Variants in THADA observed in about 807,000 individuals in gnomAD.
THADA encodes the protein THADA armadillo repeat containing, also known as tRNA (32-2'-O)-methyltransferase regulator THADA.
In THADA, 213 loss-of-function variants were observed where a neutral mutation model predicts 219.8. That is an observed-to-expected ratio of 0.97 (90% CI 0.87 to 1.09). The LOEUF (loss-of-function observed/expected upper bound fraction) is 1.09. Among genes scored for constraint, THADA ranks in the 50% least tolerant of loss-of-function variants. The pLI, the probability that THADA is intolerant of heterozygous loss-of-function variation, is 0.00. For synonymous variants in THADA, 1,018 were observed against 828.9 expected (o/e 1.23, Z -3.92); for missense variants, 2,956 against 2,311.3 (o/e 1.28, Z -5.72).
intron 36 of THADA, among the ~76,000 whole-genome samples, chr2:43,251,801 C>T (rs1437856780): frequency 1.3e-5 from 2 of 152,226 alleles, no homozygotes; most frequent in African/African-American, 4.8e-5. Context: ...ATGCCTTTTT[C>T]AGATGTGTCC....
intron 10 of THADA, among the ~76,000 whole-genome samples, 152 bp downstream of exon 10, chr2:43,576,870 G>C (rs1428387626): frequency 6.6e-6 from 1 of 152,138 alleles, no homozygotes. Context: ...ACCAAGGCTG[G>C]TTTTGAACTC....
intron 9 of THADA, among the ~76,000 whole-genome samples, 168 bp from the exon 10 acceptor site, chr2:43,577,410 GA>G (rs1699975390): frequency 6.6e-6 from 1 of 151,704 alleles, no homozygotes; most frequent in Non-Finnish European, 1.5e-5. Context: ...AGTATTAAAG[GA>G]AAAAAATTAC....
intron 9 of THADA, among the ~76,000 whole-genome samples, chr2:43,578,221 C>G (rs935990218): frequency 6.6e-6 from 1 of 151,638 alleles, no homozygotes; most frequent in Non-Finnish European, 1.5e-5. Flanking sequence ...TATCTCACTG[C>G]AGCCTTAAAC....
chr2:43,240,887 A>C (rs577622863), intron 36 of THADA, among the ~76,000 whole-genome samples: 1 of 152,316 alleles, frequency 6.6e-6, no homozygotes, highest in South Asian at 2.1e-4. Context: ...AGAGCTCTCA[A>C]GGGCAGCCCT....
rs192340108 is a variant in THADA, at chr2:43,573,678, T to A, written c.1729+658A>T. ...AAGTACTGAACGTTTTTAACAATTT[T>A]AGTTGAAAATATTTCTTAAAATTAT... On this transcript the variant is annotated intron_variant, in intron 11 of 37. Transcript: ENST00000405975. Among the ~76,000 whole-genome samples, 444 of 152,348 alleles carry A rather than the reference T, an allele frequency of 2.9e-3. 1 individual carries two copies. Among genetic ancestry groups the A allele is most frequent in the South Asian group, 5.4e-3 (26 of 4,834 alleles).
chr2:43,237,259 C>G (rs566514902), intron 36 of THADA, among the ~76,000 whole-genome samples: 16 of 152,116 alleles, frequency 1.1e-4, no homozygotes, highest in Non-Finnish European at 2.4e-4. Flanking sequence ...AAAAAACGGT[C>G]TTTTCAACCA....
At position 43,508,782 on chromosome 2, in the gene THADA, T is replaced by C. The variant is rs749201499; in HGVS notation, c.3375-2A>G. On this transcript the variant is annotated splice_acceptor_variant, in intron 22 of 37. Transcript: ENST00000405975. LOFTEE classifies it high-confidence loss of function. Reference sequence around the variant, plus strand: ...TTTTGCAGACTCACATTTGGGCACCTAAAAGGCATATATAATCAAATATTC... The same window carrying C: ...TTTTGCAGACTCACATTTGGGCACCCAAAAGGCATATATAATCAAATATTC... 4.3e-6 allele frequency: 7 copies of C among 1,613,110 alleles called. No individual in the cohort carries two copies. In the South Asian group the frequency reaches 6.6e-5, roughly 15 times the overall value.
At chr2:43,416,949 T>C (rs1409896387) in intron 28 of THADA, among the ~76,000 whole-genome samples, 1 of 152,156 alleles carries the variant, frequency 6.6e-6, no homozygotes, top group Non-Finnish European at 1.5e-5. Flanking sequence ...ATTTCCTTTT[T>C]TTCCAAATCA....
chr2:43,590,012 A>T (rs1207995944), intron 4 of THADA, among the ~76,000 whole-genome samples: 1 of 152,172 alleles, frequency 6.6e-6, no homozygotes. Flanking sequence ...AGATATATAT[A>T]AAAAAAGTAG....
intron 30 of THADA, among the ~76,000 whole-genome samples, chr2:43,341,044 C>A (rs763475908): frequency 6.6e-6 from 1 of 152,180 alleles, no homozygotes; most frequent in Admixed American, 6.5e-5. Context: ...TGATACATAG[C>A]TTTGGAATGC....
At chr2:43,454,570 C>A (rs1682754064) in intron 26 of THADA, among the ~76,000 whole-genome samples, 1 of 151,520 alleles carries the variant, frequency 6.6e-6, no homozygotes, top group South Asian at 2.1e-4. Flanking sequence ...ACACTGCACC[C>A]CAGCTTCAGT....
chr2:43,483,679 C>T (rs1396460565), intron 26 of THADA, among the ~76,000 whole-genome samples: 2 of 151,650 alleles, frequency 1.3e-5, no homozygotes, highest in Non-Finnish European at 2.9e-5. Context: ...GTATCACTGC[C>T]CTATTCTTCC....
intron 26 of THADA, among the ~76,000 whole-genome samples, chr2:43,471,098 G>A (rs1055218171): frequency 6.6e-6 from 1 of 152,150 alleles, no homozygotes; most frequent in Admixed American, 6.5e-5. Flanking sequence ...CTAAAGGTCC[G>A]TGGTTCTCCT....
chr2:43,250,364 A>C (rs1669689731), intron 36 of THADA, among the ~76,000 whole-genome samples: 1 of 152,266 alleles, frequency 6.6e-6, no homozygotes, highest in Non-Finnish European at 1.5e-5. Context: ...TCACGGAGAC[A>C]GAAAGCAGAC....
chr2:43,452,884 T>C (rs969445929), intron 26 of THADA, among the ~76,000 whole-genome samples: 3 of 152,210 alleles, frequency 2.0e-5, no homozygotes, highest in Non-Finnish European at 4.4e-5. Context: ...TAAGAGACTC[T>C]TCCTAATATA....
chr2:43,550,590 G>A (rs1033284287), intron 19 of THADA, among the ~76,000 whole-genome samples: 1 of 152,098 alleles, frequency 6.6e-6, no homozygotes, highest in African/African-American at 2.4e-5. Flanking sequence ...AAAAAGACAG[G>A]CAGAATGAAG....
intron 28 of THADA, among the ~76,000 whole-genome samples, chr2:43,399,171 G>A (rs961023144): frequency 2.6e-5 from 4 of 152,172 alleles, no homozygotes; most frequent in African/African-American, 7.2e-5. Context: ...TTACTAGAAC[G>A]CTCAAGACTT....
At chr2:43,384,013 C>T (rs1236586231) in intron 29 of THADA, among the ~76,000 whole-genome samples, 5 of 152,258 alleles carry the variant, frequency 3.3e-5, no homozygotes, top group African/African-American at 1.2e-4. Flanking sequence ...GGCTACCCCC[C>T]TACCCCAGCT....
At chr2:43,426,046 A>AAGAAC (rs1454604966) in intron 28 of THADA, among the ~76,000 whole-genome samples, 1 of 152,218 alleles carries the variant, frequency 6.6e-6, no homozygotes, top group Non-Finnish European at 1.5e-5. Context: ...CTTTCACTGG[A>AAGAAC]AGAACAGACT....
Sources: allele counts gnomAD v4.1 joint callset (sites outside exome capture counted in the v4.1 genomes callset), GRCh38; gene constraint gnomAD v4.1.1; transcripts MANE v1.5; gene names NCBI Gene and HGNC (gene_info 2026-07-23, HGNC 2026-07-21).